HSD17B12: variants seen among roughly 807,000 people sequenced by gnomAD.
The protein encoded by HSD17B12 is hydroxysteroid 17-beta dehydrogenase 12.
A neutral mutation model predicts 39.3 loss-of-function variants in HSD17B12; 32 were observed. That is an observed-to-expected ratio of 0.81 (90% confidence interval 0.61 to 1.09). HSD17B12 has a LOEUF of 1.09. Ranked by LOEUF, HSD17B12 falls within the 50% of genes least tolerant of loss-of-function variation. The probability of loss-of-function intolerance (pLI) is 0.00; values close to 1 mark genes in which losing one functional copy is unlikely to be tolerated. For synonymous variants in HSD17B12, 150 were observed against 146.7 expected (o/e 1.02, Z -0.16); for missense variants, 342 against 382.9 (o/e 0.89, Z 0.89).
chr11:43,599,264 T>C, the HSD17B12 span, among the ~76,000 whole-genome samples: 8 of 152,294 alleles, frequency 5.3e-5, no homozygotes, highest in East Asian at 1.2e-3. Flanking sequence ...GAATTCCTAA[T>C]AGGAAATCAG....
chr11:43,810,833 T>A (rs776994467), intron 4 of HSD17B12, among the ~76,000 whole-genome samples: 2 of 152,160 alleles, frequency 1.3e-5, no homozygotes, highest in Non-Finnish European at 2.9e-5. Flanking sequence ...CTGAAAAAAA[T>A]GTTTAAATCT....
intron 7 of HSD17B12, among the ~76,000 whole-genome samples, chr11:43,835,038 A>G (rs1951355724): frequency 6.6e-6 from 1 of 152,188 alleles, no homozygotes; most frequent in South Asian, 2.1e-4. Flanking sequence ...TATTTGTCAT[A>G]ACAAACTAGA....
chr11:43,799,891 C>T (rs1950950137), intron 4 of HSD17B12, among the ~76,000 whole-genome samples: 1 of 152,158 alleles, frequency 6.6e-6, no homozygotes, highest in Non-Finnish European at 1.5e-5. Flanking sequence ...CCAGCTCCTG[C>T]CTGGTCCATA....
At chr11:43,581,588 A>T in the HSD17B12 span, 1 of 394,970 alleles carries the variant, frequency 2.5e-6, no homozygotes, top group South Asian at 1.8e-5. The surrounding 1 kb of genome is among the most constrained non-coding windows in gnomAD (Gnocchi z 4.9). Flanking sequence ...TTTCCACGGA[A>T]GATTCGGCCC....
the HSD17B12 span, among the ~76,000 whole-genome samples, chr11:43,606,813 C>T: frequency 4.6e-5 from 7 of 152,148 alleles, no homozygotes; most frequent in South Asian, 4.1e-4. Flanking sequence ...TGAGGCCAAG[C>T]GATAAATACT....
intron 1 of HSD17B12, among the ~76,000 whole-genome samples, chr11:43,730,014 A>G (rs1359644756): frequency 6.6e-6 from 1 of 151,770 alleles, no homozygotes; most frequent in Non-Finnish European, 1.5e-5. Flanking sequence ...CTGACTTGAC[A>G]TACTGTTTTT....
chr11:43,776,489 T>A (rs1768158655), intron 3 of HSD17B12, among the ~76,000 whole-genome samples: 1 of 152,200 alleles, frequency 6.6e-6, no homozygotes, highest in Non-Finnish European at 1.5e-5. Flanking sequence ...GAGTTCATTG[T>A]AGATTCTGGA....
At chr11:43,683,104 G>GTTTTTTTT (rs145842097) in intron 1 of HSD17B12, among the ~76,000 whole-genome samples, 1 of 140,616 alleles carries the variant, frequency 7.1e-6, no homozygotes, top group Non-Finnish European at 1.6e-5. Flanking sequence ...GTTTTTTTTT[G>GTTTTTTTT]TTTTTTTTTT....
intron 1 of HSD17B12, among the ~76,000 whole-genome samples, chr11:43,710,938 A>T (rs1339364585): frequency 6.6e-6 from 1 of 152,088 alleles, no homozygotes; most frequent in Non-Finnish European, 1.5e-5. Flanking sequence ...CAACAGGTGC[A>T]TGCGCCACCA....
chr11:43,722,281 T>C (rs1265963958), intron 1 of HSD17B12, among the ~76,000 whole-genome samples: 1 of 152,236 alleles, frequency 6.6e-6, no homozygotes, highest in East Asian at 1.9e-4. Flanking sequence ...TACAGCTCTT[T>C]ATATGTGTTT....
chr11:43,723,367 C>T (rs1193958445), intron 1 of HSD17B12, among the ~76,000 whole-genome samples: 1 of 152,040 alleles, frequency 6.6e-6, no homozygotes, highest in African/African-American at 2.4e-5. Flanking sequence ...TTTTCAAGAG[C>T]CATTTGGAGA....
chr11:43,784,031 G>A (rs1194377840), intron 3 of HSD17B12, among the ~76,000 whole-genome samples: 5 of 152,100 alleles, frequency 3.3e-5, no homozygotes, highest in Non-Finnish European at 7.4e-5. Context: ...CTCAGACACC[G>A]GATTAAAGAA....
chr11:43,710,064 T>G (rs1440546247), intron 1 of HSD17B12, among the ~76,000 whole-genome samples: 1 of 152,184 alleles, frequency 6.6e-6, no homozygotes, highest in Admixed American at 6.5e-5. Context: ...GGAGGCTTGA[T>G]GGTTTTGTGT....
At chr11:43,774,813 G>GTA (rs1474982655) in intron 3 of HSD17B12, among the ~76,000 whole-genome samples, 12 of 152,084 alleles carry the variant, frequency 7.9e-5, no homozygotes, top group Admixed American at 7.9e-4. Context: ...TCACCTTCAG[G>GTA]TATATACACC....
intron 1 of HSD17B12, among the ~76,000 whole-genome samples, chr11:43,686,564 C>T (rs1329340235): frequency 6.6e-6 from 1 of 151,572 alleles, no homozygotes; most frequent in Non-Finnish European, 1.5e-5. Flanking sequence ...CCCTCACTCC[C>T]CTCCCGACTA....
chr11:43,626,037 A>C, the HSD17B12 span, among the ~76,000 whole-genome samples: 21 of 151,746 alleles, frequency 1.4e-4, no homozygotes, highest in Admixed American at 8.5e-4. Context: ...TTTATTAGTT[A>C]AAAGTTTTAT....
At chr11:43,658,600 T>A in the HSD17B12 span, among the ~76,000 whole-genome samples, 1 of 152,334 alleles carries the variant, frequency 6.6e-6, no homozygotes, top group African/African-American at 2.4e-5. Flanking sequence ...TTTGTTAGTT[T>A]TCCTTCTAAC....
the HSD17B12 span, among the ~76,000 whole-genome samples, chr11:43,662,650 A>G: frequency 4.6e-5 from 7 of 152,218 alleles, no homozygotes; most frequent in Admixed American, 4.6e-4. Context: ...CATGGATTTA[A>G]ATTTAAGCAT....
chr11:43,621,899 T>C, the HSD17B12 span, among the ~76,000 whole-genome samples: 3 of 152,208 alleles, frequency 2.0e-5, no homozygotes, highest in Non-Finnish European at 1.5e-5. Context: ...CATTTACTTT[T>C]ACAGCAAAAG....
Sources: gnomAD v4.1 joint callset for allele counts (sites outside exome capture counted in the v4.1 genomes callset) on GRCh38, gnomAD v4.1.1 for gene constraint, Gnocchi (gnomAD v3.1) non-coding constraint, MANE v1.5 for transcripts, NCBI Gene and HGNC (gene_info 2026-07-23, HGNC 2026-07-21) for gene names.